BTAF1: variants seen among roughly 807,000 people sequenced by gnomAD.
BTAF1 encodes B-TFIID TATA-box binding protein associated factor 1, also known as TATA-binding protein-associated factor 172.
A neutral mutation model predicts 227.1 loss-of-function variants in BTAF1; 38 were observed. The observed-to-expected ratio is 0.17, with a 90% CI of 0.13 to 0.22. BTAF1 has a LOEUF of 0.22. Among genes scored for constraint, BTAF1 ranks in the 10% least tolerant of loss-of-function variants. The pLI, the probability that BTAF1 is intolerant of heterozygous loss-of-function variation, is 1.00. For synonymous variants in BTAF1, 742 were observed against 751.9 expected, an observed-to-expected ratio of 0.99 and a Z score of 0.21; for missense variants, 1,598 against 2,204.0, an observed-to-expected ratio of 0.73 and a Z score of 5.51.
intron 6 of BTAF1, among the ~76,000 whole-genome samples, chr10:91,954,900 G>A (rs1234490185): frequency 6.6e-6 from 1 of 152,106 alleles, no homozygotes; most frequent in Non-Finnish European, 1.5e-5. Flanking sequence ...TGTTAAATAA[G>A]AATCTTTAGT....
chr10:92,003,030 A>C (rs765010278), intron 25 of BTAF1, among the ~76,000 whole-genome samples: 2 of 151,804 alleles, frequency 1.3e-5, no homozygotes, highest in East Asian at 3.9e-4. Flanking sequence ...GGTGGCACGC[A>C]CCTGTAATCC....
Position 91,982,052 on chromosome 10 carries a change from T to A in BTAF1, c.1906-31T>A, listed in dbSNP as rs201593151. The A allele has an allele frequency of 3.0e-4, 472 of 1,597,046 alleles. 3 individuals are homozygous for A. In the Middle Eastern group the frequency reaches 6.0e-3, roughly 20 times the overall value. Reference sequence around the variant, plus strand: ...GCCTATTCAGTTTTAATGGTTAATCTTTATTGTTTTTTTTTCCCCTCCCTC... The same window carrying A: ...GCCTATTCAGTTTTAATGGTTAATCATTATTGTTTTTTTTTCCCCTCCCTC... On this transcript the variant is annotated intron_variant, in intron 16 of 37. Transcript: ENST00000265990.
intron 2 of BTAF1, among the ~76,000 whole-genome samples, chr10:91,936,895 A>G (rs954728956): frequency 2.0e-5 from 3 of 152,154 alleles, no homozygotes; most frequent in Non-Finnish European, 2.9e-5. Context: ...AGACCTCAGC[A>G]TATTGGCTAC....
chr10:91,999,301 A>G (rs1849345409), intron 25 of BTAF1, among the ~76,000 whole-genome samples: 1 of 152,158 alleles, frequency 6.6e-6, no homozygotes, highest in Non-Finnish European at 1.5e-5. Context: ...TTTGAAAAAC[A>G]GTTTGGTTAT....
Position 91,982,775 on chromosome 10 carries a change from C to T in BTAF1, c.2223+14C>T, listed in dbSNP as rs767573481. 1.7e-5 allele frequency: 27 copies of T among 1,576,772 alleles called. No individual in the cohort carries two copies. The highest frequency in any genetic ancestry group is 2.2e-5 in the Non-Finnish European group (26 of 1,159,606). On this transcript the variant is annotated intron_variant, in intron 18 of 37. Transcript: ENST00000265990. ...GCTTTACAAAAGGTAAGATTTTGCCCCAAAAGTAATAAAGACAAATTAAGT... is the reference window on the plus strand; with the variant it reads ...GCTTTACAAAAGGTAAGATTTTGCCTCAAAAGTAATAAAGACAAATTAAGT...
chr10:91,925,398 G>A (rs1361647569), intron 1 of BTAF1, among the ~76,000 whole-genome samples: 1 of 152,068 alleles, frequency 6.6e-6, no homozygotes, highest in Non-Finnish European at 1.5e-5. Flanking sequence ...TAGTGTTTAA[G>A]GAGATGAGTA....
intron 1 of BTAF1, among the ~76,000 whole-genome samples, chr10:91,926,019 A>G (rs1843802001): frequency 6.6e-6 from 1 of 152,126 alleles, no homozygotes; most frequent in Non-Finnish European, 1.5e-5. Flanking sequence ...CTCAGTAGTA[A>G]GCCCAAGGAA....
At chr10:92,002,144 A>G (rs1466176717) in intron 25 of BTAF1, among the ~76,000 whole-genome samples, 1 of 152,124 alleles carries the variant, frequency 6.6e-6, no homozygotes, top group Non-Finnish European at 1.5e-5. Context: ...ACTGGATTGC[A>G]TTAATAGCAG....
In BTAF1 at chr10:92,024,742, T is replaced by TTTGTTTTTG. The variant is rs750459792; in HGVS notation, c.4864-12_4864-11insGTTTTTGTT. The TTTGTTTTTG allele has an allele frequency of 2.5e-6, 4 of 1,576,676 alleles. No individual in the cohort carries two copies. The highest frequency in any genetic ancestry group is 2.6e-6 in the Non-Finnish European group (3 of 1,169,576). Reference sequence around the variant, plus strand: ...TTGAACGCTTATGTAGTTTTTTTTTTTTTTCTTCCTAAGTTGCTGTTGGAC... The same window carrying TTTGTTTTTG: ...TTGAACGCTTATGTAGTTTTTTTTTTTTGTTTTTGTTTTCTTCCTAAGTTGCTGTTGGAC... On this transcript the variant is annotated splice_polypyrimidine_tract_variant and intron_variant, in intron 34 of 37. Transcript: ENST00000265990.
rs1006415492 is a variant in BTAF1 at position 91,988,317 on chromosome 10, A to G, written c.2428-837A>G. 5.9e-5 allele frequency among the ~76,000 whole-genome samples: 9 copies of G among 152,302 alleles called. No homozygotes were observed. The East Asian group carries it at 1.7e-3, about 29-fold the overall frequency. On this transcript the variant is annotated intron_variant, in intron 19 of 37. Coordinates refer to ENST00000265990, the MANE Select transcript of BTAF1 (RefSeq NM_003972.3). ...TTGGGGGTAACTGAGGCTTTTCCTC[A>G]GTTGTCTACAGTCATTGAAAAGTGA...
chr10:91,954,633 C>CTA (rs1845971835), intron 6 of BTAF1, among the ~76,000 whole-genome samples: 1 of 152,144 alleles, frequency 6.6e-6, no homozygotes, highest in African/African-American at 2.4e-5. Flanking sequence ...TCGTAGCTCA[C>CTA]TACAGCCTCA....
chr10:91,954,200 A>G (rs1213261456), intron 6 of BTAF1, among the ~76,000 whole-genome samples: 1 of 152,202 alleles, frequency 6.6e-6, no homozygotes, highest in Non-Finnish European at 1.5e-5. Context: ...GAAGGGCAGT[A>G]TGGCCTTCTA....
chr10:91,950,027 A>G (rs777404388), intron 4 of BTAF1, among the ~76,000 whole-genome samples: 2 of 152,000 alleles, frequency 1.3e-5, no homozygotes, highest in Non-Finnish European at 2.9e-5. Flanking sequence ...ATATGGTCCT[A>G]GCTACTCAGA....
intron 20 of BTAF1, among the ~76,000 whole-genome samples, 159 bp from the exon 21 acceptor site, chr10:91,991,960 A>G (rs191590752): frequency 2.6e-5 from 4 of 152,098 alleles, no homozygotes; most frequent in African/African-American, 2.4e-5. Flanking sequence ...CAAATAGACT[A>G]TTTTATTGCC....
rs558396533 is a variant in BTAF1 at position 91,956,784 on chromosome 10, C to T, written c.831+127C>T. The T allele has an allele frequency of 1.3e-4, 123 of 978,778 alleles. 1 individual carries two copies. In the South Asian group the frequency reaches 1.6e-3, roughly 13 times the overall value. The allele number at this position is 978,778 out of a possible 1,614,324, so 60.6% of individuals were successfully genotyped here. On this transcript the variant is annotated intron_variant, in intron 7 of 37. Coordinates refer to ENST00000265990, the MANE Select transcript of BTAF1 (RefSeq NM_003972.3). The stretch of plus-strand genomic sequence containing the variant: ...GCGGGCGTTATCACGAGGTCAGGAG[C>T]TTGAGACCAGCCTGGCCAACATGGT...
chr10:91,951,530 T>C lies in BTAF1; in HGVS notation c.528T>C (p.Tyr176=), dbSNP rs1845762184. ...EELFNDEDLD[Y]TPTSASFVNK... is the part of the protein sequence containing the mutation. ...TTTTCAATGATGAGGATTTGGATTA[T>C]ACCCCAACTTCAGCATCCTTTGTTA... is the stretch of plus-strand genomic sequence containing the variant. The change falls in exon 5 of 38, where the codon TAT becomes TAC. Residue 176 remains tyrosine, a synonymous_variant. Coordinates refer to ENST00000265990, the MANE Select transcript of BTAF1 (RefSeq NM_003972.3). The C allele has an allele frequency of 1.2e-6, 2 of 1,607,084 alleles. No homozygotes were observed. Among genetic ancestry groups the C allele is most frequent in the East Asian group, 4.5e-5 (2 of 44,710 alleles).
chr10:91,978,769 C>A, intron 14 of BTAF1, among the ~76,000 whole-genome samples: 3 of 147,032 alleles, frequency 2.0e-5, no homozygotes, highest in African/African-American at 2.5e-5. Flanking sequence ...AGAGTTAAGA[C>A]AGTGAAGTAG....
chr10:91,956,489 G>T, intron 6 of BTAF1, 39 bp from the exon 7 acceptor site: 1 of 1,566,130 alleles, frequency 6.4e-7, no homozygotes, highest in Non-Finnish European at 8.6e-7. Context: ...TTCACATTAC[G>T]CTTTATTCAT....
intron 36 of BTAF1, 117 bp downstream of exon 36, chr10:92,026,868 CTTGG>C: frequency 8.6e-7 from 1 of 1,158,110 alleles, no homozygotes; most frequent in Non-Finnish European, 1.2e-6. Flanking sequence ...GTGTTATGAC[CTTGG>C]ACAGATCACT....
Sources: gnomAD v4.1 joint callset for allele counts (sites outside exome capture counted in the v4.1 genomes callset) on GRCh38, gnomAD v4.1.1 for gene constraint, MANE v1.5 for transcripts, NCBI Gene and HGNC (gene_info 2026-07-23, HGNC 2026-07-21) for gene names.